The following PRRG4 variants were observed in gnomAD, a reference collection of about 807,000 sequenced individuals.
PRRG4 encodes the protein transmembrane gamma-carboxyglutamic acid protein 4.
A neutral mutation model predicts 20.0 loss-of-function variants in PRRG4; 12 were observed. The ratio of observed to expected loss-of-function variants is 0.60; its 90% CI spans 0.38 to 0.97. The LOEUF is 0.97. Among genes scored for constraint, PRRG4 ranks in the 50% least tolerant of loss-of-function variants. The pLI, the probability that PRRG4 is intolerant of heterozygous loss-of-function variation, is 0.00. For missense variants in PRRG4, 199 were observed against 265.1 expected, an observed-to-expected ratio of 0.75 and a Z score of 1.73; for synonymous variants, 94 against 96.4, an observed-to-expected ratio of 0.98 and a Z score of 0.15.
intron 5 of PRRG4, among the ~76,000 whole-genome samples, chr11:32,845,811 T>TA (rs1851124808): frequency 6.6e-6 from 1 of 151,856 alleles, no homozygotes; most frequent in South Asian, 2.1e-4. Flanking sequence ...CCAAGGCTCA[T>TA]ATAGGAGATG....
At chr11:32,849,225 T>C (rs1432309995) in intron 5 of PRRG4, among the ~76,000 whole-genome samples, 1 of 152,022 alleles carries the variant, frequency 6.6e-6, no homozygotes, top group Non-Finnish European at 1.5e-5. Flanking sequence ...CCTAGTATGG[T>C]GGTGCATGCC....
At chr11:32,841,732 C>G (rs1325249396) in intron 5 of PRRG4, among the ~76,000 whole-genome samples, 1 of 151,978 alleles carries the variant, frequency 6.6e-6, no homozygotes, top group African/African-American at 2.4e-5. Flanking sequence ...ATCATCTGAG[C>G]CTAGGAAGTC....
intron 5 of PRRG4, among the ~76,000 whole-genome samples, chr11:32,849,944 C>T (rs1590678598): frequency 6.6e-6 from 1 of 152,172 alleles, no homozygotes; most frequent in Non-Finnish European, 1.5e-5. Flanking sequence ...TTTAGCAGAC[C>T]TCTATTCATT....
chr11:32,830,844 A>G (rs962492366), intron 2 of PRRG4, among the ~76,000 whole-genome samples: 6 of 152,214 alleles, frequency 3.9e-5, no homozygotes, highest in Non-Finnish European at 7.3e-5. Flanking sequence ...TTTAATAAGT[A>G]TATACGTAAG....
intron 5 of PRRG4, among the ~76,000 whole-genome samples, chr11:32,845,489 G>A (rs1049212593): frequency 7.2e-5 from 11 of 152,014 alleles, no homozygotes; most frequent in Non-Finnish European, 1.2e-4. Context: ...AAAATCAGCC[G>A]GGCGTGATGG....
chr11:32,851,161 A>G (rs368200276), intron 5 of PRRG4, among the ~76,000 whole-genome samples: 1 of 152,212 alleles, frequency 6.6e-6, no homozygotes, highest in Non-Finnish European at 1.5e-5. Context: ...AACAGGCATC[A>G]TAGGATGTTG....
chr11:32,834,574 A>T (rs915385202), intron 2 of PRRG4, among the ~76,000 whole-genome samples: 5 of 152,212 alleles, frequency 3.3e-5, no homozygotes, highest in Non-Finnish European at 5.9e-5. Context: ...TGTGAACTAC[A>T]TACATAATTT....
At position 32,857,314 on chromosome 11, in the gene PRRG4, CA is replaced by C. The variant is rs1309321265; in HGVS notation, c.*3790del. The C allele has an allele frequency of 3.3e-5, 5 of 152,126 alleles. No homozygotes were observed. Among genetic ancestry groups the C allele is most frequent in the African/African-American group, 9.7e-5 (4 of 41,378 alleles). 9.4% of individuals were successfully genotyped at this position (152,126 alleles called of 1,614,324 possible). ...TACAGGCACCTGCCAGCACGCCTTG[CA>C]AATTTTTGTATTTTTAGTGGAGATG... is the stretch of plus-strand genomic sequence containing the variant. On this transcript the variant is annotated 3_prime_UTR_variant, in exon 6 of 6. Transcript: ENST00000257836.
At chr11:32,841,890 G>A (rs561536157) in intron 5 of PRRG4, among the ~76,000 whole-genome samples, 46 of 152,262 alleles carry the variant, frequency 3.0e-4, no homozygotes, top group African/African-American at 1.1e-3. Context: ...AAATTTATGT[G>A]AAGATCTTTT....
At position 32,838,930 on chromosome 11, in the gene PRRG4, G is replaced by C. The variant is rs1182214669; in HGVS notation, c.316G>C (p.Asp106His). 1.2e-6 allele frequency: 2 copies of C among 1,600,448 alleles called. No individual in the cohort carries two copies. Among genetic ancestry groups the C allele is most frequent in the Non-Finnish European group, 1.7e-6 (2 of 1,168,038 alleles). The change falls in exon 4 of 6, where the codon GAT becomes CAT. Residue 106 changes from aspartate (D) to histidine (H), a missense_variant and splice_region_variant. Physicochemically the swap from Asp to His is moderately conservative, Grantham distance 81. Transcript: ENST00000257836. Reference sequence around the variant, plus strand: ...AGCTAAAGGACCAACCACAAAATCAGGTAAAACAAGAATTGATCAAATTTA... The same window carrying C: ...AGCTAAAGGACCAACCACAAAATCACGTAAAACAAGAATTGATCAAATTTA... ...YSAKGPTTKS[D>H]GNREKIDVMG...
intron 5 of PRRG4, among the ~76,000 whole-genome samples, chr11:32,853,057 G>C (rs1851197870): frequency 6.6e-6 from 1 of 150,746 alleles, no homozygotes; most frequent in African/African-American, 2.4e-5. Flanking sequence ...CAAAGTGCTG[G>C]GATTACAGGC....
chr11:32,830,249 T>G, intron 1 of PRRG4, 76 bp downstream of exon 1: 1 of 1,037,822 alleles, frequency 9.6e-7, no homozygotes, highest in Non-Finnish European at 1.2e-6. Flanking sequence ...CTGGGTTGGA[T>G]TCGAACACAT....
intron 5 of PRRG4, among the ~76,000 whole-genome samples, chr11:32,850,259 T>C (rs963261477): frequency 2.0e-5 from 3 of 152,248 alleles, no homozygotes; most frequent in African/African-American, 7.2e-5. Context: ...TTTCCAACTT[T>C]TCTGCGTCAC....
chr11:32,843,539 G>C (rs1298071550), intron 5 of PRRG4, among the ~76,000 whole-genome samples: 1 of 151,862 alleles, frequency 6.6e-6, no homozygotes, highest in East Asian at 2.0e-4. Context: ...AGAAATGTTC[G>C]TTACATGTCC....
At chr11:32,833,370 T>C (rs1850991789) in intron 2 of PRRG4, among the ~76,000 whole-genome samples, 1 of 152,252 alleles carries the variant, frequency 6.6e-6, no homozygotes, top group Admixed American at 6.5e-5. Context: ...CTGTTTCCTC[T>C]ATCAAAGTAG....
At position 32,857,903 on chromosome 11, in the gene PRRG4, C is replaced by T. The variant is rs1851241442; in HGVS notation, c.*4376C>T. ...TTCATTCTTCTATATTTTGTGTCTC[C>T]TCCAACCTCCAACTTTTTTTGTTTT... On this transcript the variant is annotated 3_prime_UTR_variant, in exon 6 of 6. Transcript: ENST00000257836. 6.6e-6 allele frequency: 1 copy of T among 152,082 alleles called. No individual in the cohort carries two copies. The highest frequency in any genetic ancestry group is 2.4e-5 in the African/African-American group (1 of 41,418). 9.4% of individuals were successfully genotyped at this position (152,082 alleles called of 1,614,324 possible).
chr11:32,846,387 C>T (rs927072037), intron 5 of PRRG4, among the ~76,000 whole-genome samples: 3 of 151,958 alleles, frequency 2.0e-5, no homozygotes, highest in African/African-American at 7.3e-5. Context: ...ATGGCAGCCA[C>T]GAATTTACAT....
At chr11:32,842,953 G>A (rs1442398493) in intron 5 of PRRG4, among the ~76,000 whole-genome samples, 1 of 151,806 alleles carries the variant, frequency 6.6e-6, no homozygotes, top group Non-Finnish European at 1.5e-5. Context: ...CTGGGTTCAA[G>A]CAATTCCCCT....
At position 32,836,707 on chromosome 11, in the gene PRRG4, G is replaced by A; in HGVS notation, c.153G>A (p.Leu51=). 1.2e-6 allele frequency: 2 copies of A among 1,609,188 alleles called. No homozygotes were observed. The highest frequency in any genetic ancestry group is 1.7e-6 in the Non-Finnish European group (2 of 1,175,776). Residue 51 remains leucine (L), a synonymous_variant, in exon 3 of 6, where the codon CTG becomes CTA. Coordinates refer to ENST00000257836, the MANE Select transcript of PRRG4 (RefSeq NM_024081.6). ...ACTTTTTCATACATAGACGCCTTCTGTATAATAGATTTGATCTGGAGCTCT... is the reference window on the plus strand; with the variant it reads ...ACTTTTTCATACATAGACGCCTTCTATATAATAGATTTGATCTGGAGCTCT... The part of the protein sequence containing the change: ...EANFFIHRRL[L]YNRFDLELFT...
Sources: allele counts gnomAD v4.1 joint callset (sites outside exome capture counted in the v4.1 genomes callset), GRCh38; gene constraint gnomAD v4.1.1; transcripts MANE v1.5; gene names NCBI Gene and HGNC (gene_info 2026-07-23, HGNC 2026-07-21).